The following WHRN variants were observed in gnomAD, a reference collection of about 807,000 sequenced individuals.
WHRN encodes CASK-interacting protein CIP98.
WHRN carries 41 observed loss-of-function variants against 68.3 expected under a neutral mutation model. The observed-to-expected ratio is 0.60, with a 90% CI of 0.47 to 0.78. The LOEUF is 0.78. Among genes scored for constraint, WHRN ranks in the 30% least tolerant of loss-of-function variants. The probability of loss-of-function intolerance (pLI) is 0.00; values close to 1 mark genes in which losing one functional copy is unlikely to be tolerated. For missense variants in WHRN, 1,243 were observed against 1,244.7 expected, an observed-to-expected ratio of 1.00 and a Z score of 0.02; for synonymous variants, 560 against 561.3, an observed-to-expected ratio of 1.00 and a Z score of 0.03.
At chr9:114,492,367 C>T (rs182322868) in intron 1 of WHRN, among the ~76,000 whole-genome samples, 2 of 152,240 alleles carry the variant, frequency 1.3e-5, no homozygotes, top group East Asian at 3.9e-4. Context: ...TATTAAAAAA[C>T]AAACTGTCTA....
At chr9:114,437,668 G>A (rs1414290343) in intron 3 of WHRN, among the ~76,000 whole-genome samples, 2 of 152,170 alleles carry the variant, frequency 1.3e-5, no homozygotes, top group South Asian at 2.1e-4. Context: ...GTGACAACAC[G>A]GTAAGAAGGC....
rs59922135 is a variant in WHRN at position 114,489,463 on chromosome 9, T to TAC, written c.619-10694_619-10693dup. ...TCCTATCAAAGGCACCACACACACATACACACACACACACACGCACACACA... is the reference window on the plus strand; with the variant it reads ...TCCTATCAAAGGCACCACACACACATACACACACACACACACACGCACACACA... On this transcript the variant is annotated intron_variant, in intron 1 of 11. Transcript: ENST00000362057. Among the ~76,000 whole-genome samples the TAC allele has an allele frequency of 3.8e-3, 576 of 149,960 alleles. 4 individuals are homozygous for TAC. Among genetic ancestry groups the TAC allele is most frequent in the South Asian group, 0.033 (157 of 4,712 alleles).
At chr9:114,406,956 CGA>C in intron 8 of WHRN, 64 bp from the exon 9 acceptor site, 1 of 1,538,338 alleles carries the variant, frequency 6.5e-7, no homozygotes, top group South Asian at 1.2e-5. Context: ...GAGGGGAGGC[CGA>C]GCAGCTGAGT....
chr9:114,421,625 A>G (rs1352061334), intron 7 of WHRN, among the ~76,000 whole-genome samples: 3 of 152,226 alleles, frequency 2.0e-5, no homozygotes, highest in Non-Finnish European at 2.9e-5. Flanking sequence ...GCAGTGGCTC[A>G]TGGCTGCTGA....
intron 3 of WHRN, among the ~76,000 whole-genome samples, chr9:114,432,774 T>C (rs750978854): frequency 2.0e-5 from 3 of 152,182 alleles, no homozygotes; most frequent in Non-Finnish European, 4.4e-5. Context: ...CATAAACAAG[T>C]AGCTAACATA....
chr9:114,466,869 T>C (rs1322380324), intron 2 of WHRN, among the ~76,000 whole-genome samples: 2 of 151,982 alleles, frequency 1.3e-5, no homozygotes, highest in African/African-American at 2.4e-5. Context: ...AGGGGTCTCC[T>C]GTCACCTCAG....
rs74675146 is a variant in WHRN, at chr9:114,436,455, C to T, written c.964-10042G>A. 6.3e-3 allele frequency among the ~76,000 whole-genome samples: 954 copies of T among 152,118 alleles called. 10 individuals are homozygous for T. Among genetic ancestry groups the T allele is most frequent in the African/African-American group, 0.022 (909 of 41,482 alleles). On this transcript the variant is annotated intron_variant, in intron 3 of 11. Coordinates refer to ENST00000362057, the MANE Select transcript of WHRN (RefSeq NM_015404.4). The stretch of plus-strand genomic sequence containing the variant: ...ATAATAGGGGAAAATGTGTTGGGGA[C>T]GGGTTGGGGCAGAGGAGGTATAATG...
intron 1 of WHRN, among the ~76,000 whole-genome samples, chr9:114,489,500 A>G (rs1307627845): frequency 7.6e-5 from 9 of 117,880 alleles, no homozygotes; most frequent in Non-Finnish European, 1.5e-4. Context: ...GTACACACAC[A>G]CACGCACACA....
At chr9:114,477,506 T>TC (rs1237410081) in intron 2 of WHRN, among the ~76,000 whole-genome samples, 4 of 151,956 alleles carry the variant, frequency 2.6e-5, no homozygotes, top group Non-Finnish European at 4.4e-5. Flanking sequence ...TCTATTGGTG[T>TC]CCCTGCCCCC....
chr9:114,481,102 C>T (rs969862341), intron 1 of WHRN, among the ~76,000 whole-genome samples: 19 of 152,192 alleles, frequency 1.2e-4, no homozygotes, highest in Admixed American at 7.9e-4. Flanking sequence ...GCACATACAG[C>T]TCTACCAACT....
chr9:114,496,413 G>A (rs1292008883), intron 1 of WHRN, among the ~76,000 whole-genome samples: 1 of 152,174 alleles, frequency 6.6e-6, no homozygotes, highest in Non-Finnish European at 1.5e-5. Flanking sequence ...AAGAAACTCT[G>A]TCTATGTGGG....
At chr9:114,431,642 G>C (rs907491962) in intron 3 of WHRN, among the ~76,000 whole-genome samples, 3 of 152,070 alleles carry the variant, frequency 2.0e-5, no homozygotes, top group Non-Finnish European at 2.9e-5. Flanking sequence ...CATGTTTAAA[G>C]ATCTTACTCT....
At chr9:114,478,813 C>T (rs1239068634) in intron 1 of WHRN, 42 bp from the exon 2 acceptor site, 27 of 1,575,496 alleles carry the variant, frequency 1.7e-5, no homozygotes, top group Admixed American at 3.6e-5. Context: ...AGGGAGGTGC[C>T]GGGGGTGTGG....
chr9:114,466,684 C>G (rs1840728515), intron 2 of WHRN, among the ~76,000 whole-genome samples: 1 of 152,136 alleles, frequency 6.6e-6, no homozygotes, highest in Non-Finnish European at 1.5e-5. Context: ...TCAGGGCCAA[C>G]ACCCGGGACT....
chr9:114,505,137 A>G lies in WHRN; in HGVS notation c.-336T>C, dbSNP rs1196383385. The G allele has an allele frequency of 1.5e-5, 4 of 274,214 alleles. No homozygotes were observed. In the East Asian group the frequency reaches 2.9e-4, roughly 20 times the overall value. The allele number at this position is 274,214 out of a possible 1,614,324, so 17.0% of individuals were successfully genotyped here. On this transcript the variant is annotated 5_prime_UTR_variant, in exon 1 of 12. An upstream start codon of the reference 5' UTR is lost. Transcript: ENST00000362057. Reference sequence around the variant, plus strand: ...CGGGGGGCGCGGGGTCAGCAGCTACATTCTGGAGGGCACGGAGACGACGGG... The same window carrying G: ...CGGGGGGCGCGGGGTCAGCAGCTACGTTCTGGAGGGCACGGAGACGACGGG...
chr9:114,417,925 C>T (rs774513951), intron 7 of WHRN, among the ~76,000 whole-genome samples: 5 of 152,178 alleles, frequency 3.3e-5, no homozygotes, highest in African/African-American at 4.8e-5. Flanking sequence ...GGGGGTCTTC[C>T]GTGGTTGTAC....
At chr9:114,492,393 TTAAA>T (rs1186884814) in intron 1 of WHRN, among the ~76,000 whole-genome samples, 15 of 152,206 alleles carry the variant, frequency 9.9e-5, no homozygotes, top group Non-Finnish European at 1.9e-4. Flanking sequence ...AAGAAATTAG[TTAAA>T]TAAATCATGT....
intron 3 of WHRN, among the ~76,000 whole-genome samples, chr9:114,464,816 AATG>A (rs10523063): frequency 0.054 from 7,750 of 144,734 alleles, 369 homozygotes; most frequent in African/African-American, 0.14. Flanking sequence ...TTATGTCCAT[AATG>A]ATGATGATGA....
At chr9:114,414,151 A>G (rs1031088284) in intron 7 of WHRN, among the ~76,000 whole-genome samples, 8 of 152,178 alleles carry the variant, frequency 5.3e-5, no homozygotes, top group African/African-American at 1.9e-4. Flanking sequence ...ACAAAGCCTC[A>G]GAGGAACTGG....
Sources: allele counts gnomAD v4.1 joint callset (sites outside exome capture counted in the v4.1 genomes callset), GRCh38; gene constraint gnomAD v4.1.1; transcripts MANE v1.5; gene names NCBI Gene and HGNC (gene_info 2026-07-23, HGNC 2026-07-21).